The following UNC79 variants were observed in gnomAD, a reference collection of about 807,000 sequenced individuals.
UNC79 encodes protein unc-79 homolog.
A neutral mutation model predicts 283.1 loss-of-function variants in UNC79; 37 were observed. The observed-to-expected ratio is 0.13, with a 90% CI of 0.10 to 0.17. The LOEUF is 0.17. UNC79 is among the 10% of genes least tolerant of loss of function. The probability of loss-of-function intolerance (pLI) is 1.00; values close to 1 mark genes in which losing one functional copy is unlikely to be tolerated. For missense variants in UNC79, 2,272 were observed against 3,211.1 expected, an observed-to-expected ratio of 0.71 and a Z score of 7.07; for synonymous variants, 1,107 against 1,200.2, an observed-to-expected ratio of 0.92 and a Z score of 1.61.
chr14:93,390,658 A>G (rs1401777261), intron 1 of UNC79, among the ~76,000 whole-genome samples: 2 of 152,224 alleles, frequency 1.3e-5, no homozygotes, highest in Non-Finnish European at 2.9e-5. Context: ...GTAGTTCTGT[A>G]TGTCAGCCAC....
At chr14:93,499,987 AGAG>A (rs1461899696) in intron 7 of UNC79, among the ~76,000 whole-genome samples, 5 of 152,114 alleles carry the variant, frequency 3.3e-5, no homozygotes, top group Non-Finnish European at 7.4e-5. Context: ...CATTGGAGTG[AGAG>A]GAGGAGAGTA....
intron 47 of UNC79, 111 bp from the exon 51 acceptor site, chr14:93,704,514 C>G: frequency 8.0e-7 from 1 of 1,243,138 alleles, no homozygotes; most frequent in Non-Finnish European, 1.2e-6. Context: ...GGCCCACATC[C>G]GTGCGCGACG....
At chr14:93,345,869 G>A (rs765781178) in intron 1 of UNC79, among the ~76,000 whole-genome samples, 6 of 151,640 alleles carry the variant, frequency 4.0e-5, no homozygotes, top group East Asian at 1.9e-4. Flanking sequence ...CTGGAGGAAC[G>A]TCACAATTCC....
At chr14:93,457,845 T>C (rs2056839158) in intron 1 of UNC79, among the ~76,000 whole-genome samples, 1 of 151,942 alleles carries the variant, frequency 6.6e-6, no homozygotes, top group Non-Finnish European at 1.5e-5. Flanking sequence ...GACCCTGGAG[T>C]TGATTTCTAG....
chr14:93,707,399 A>G (rs2141127486), downstream of UNC79: 1 of 153,538 alleles, frequency 6.5e-6, no homozygotes, highest in South Asian at 2.1e-4. Context: ...CTTGCAAGGA[A>G]CATTACAAAG....
At chr14:93,537,946 C>G (rs768251024) in intron 11 of UNC79, 43 bp from the exon 12 acceptor site, 1 of 1,563,362 alleles carries the variant, frequency 6.4e-7, no homozygotes, top group East Asian at 2.3e-5. Flanking sequence ...CCAAGTTTAC[C>G]TCGGTGGTCA....
intron 2 of UNC79, among the ~76,000 whole-genome samples, chr14:93,469,524 AT>A (rs2057390047): frequency 6.6e-6 from 1 of 152,190 alleles, no homozygotes; most frequent in African/African-American, 2.4e-5. Context: ...GCTGGCATCT[AT>A]AATCCCAGCT....
chr14:93,640,393 C>A (rs1426738228), intron 32 of UNC79, among the ~76,000 whole-genome samples: 1 of 152,190 alleles, frequency 6.6e-6, no homozygotes, highest in African/African-American at 2.4e-5. Context: ...TTTTGGGAGG[C>A]TGAGGTGGGA....
At chr14:93,509,951 TCTG>T (rs1952446499) in intron 7 of UNC79, among the ~76,000 whole-genome samples, 1 of 152,222 alleles carries the variant, frequency 6.6e-6, no homozygotes, top group Admixed American at 6.5e-5. Flanking sequence ...GCAGCAGACT[TCTG>T]CCTGGACATC....
chr14:93,361,056 A>G (rs569137443), intron 1 of UNC79, among the ~76,000 whole-genome samples: 1 of 152,016 alleles, frequency 6.6e-6, no homozygotes, highest in African/African-American at 2.4e-5. Flanking sequence ...TCTACTAAAA[A>G]TACAAAAATT....
chr14:93,336,282 G>A (rs1308188578), intron 1 of UNC79, among the ~76,000 whole-genome samples: 1 of 152,148 alleles, frequency 6.6e-6, no homozygotes. Context: ...GAAAACCCCA[G>A]AACAGTGATA....
chr14:93,582,167 G>A (rs750556873), intron 19 of UNC79, 36 bp from the exon 20 acceptor site: 4 of 1,613,862 alleles, frequency 2.5e-6, no homozygotes, highest in Non-Finnish European at 3.4e-6. Context: ...ACCCCTCCAG[G>A]GCTGCTTACC....
intron 1 of UNC79, among the ~76,000 whole-genome samples, chr14:93,366,150 G>A (rs1286163298): frequency 1.3e-5 from 2 of 152,210 alleles, no homozygotes; most frequent in Non-Finnish European, 1.5e-5. Context: ...ACATTTAGGT[G>A]GGAGGGCAAA....
chr14:93,505,081 G>A (rs1311593504), intron 7 of UNC79, among the ~76,000 whole-genome samples: 1 of 151,988 alleles, frequency 6.6e-6, no homozygotes, highest in Non-Finnish European at 1.5e-5. Flanking sequence ...AAATGTTCCT[G>A]TGTAAAGAAC....
rs983818294 is a variant in UNC79 at position 93,387,161 on chromosome 14, G to T, written c.-351+53638G>T. ...TTTCACCATGTTAGTCAGGCTGGTC[G>T]CAAACTCCTGACCTCAGGTGATCCA... On this transcript the variant is annotated intron_variant, in intron 1 of 49. Coordinates refer to the UNC79 transcript ENST00000256339. Among the ~76,000 whole-genome samples the T allele has an allele frequency of 3.3e-5, 5 of 151,540 alleles. No homozygotes were observed. The South Asian group carries it at 1.0e-3, about 32-fold the overall frequency.
chr14:93,689,004 G>C, intron 44 of UNC79, 164 bp downstream of exon 47: 1 of 695,856 alleles, frequency 1.4e-6, no homozygotes, highest in Non-Finnish European at 2.1e-6. Context: ...CGTACTTGCT[G>C]ACCCAGAATG....
chr14:93,698,692 G>A (rs2141022351), intron 47 of UNC79, among the ~76,000 whole-genome samples: 1 of 151,970 alleles, frequency 6.6e-6, no homozygotes, highest in South Asian at 2.1e-4. Flanking sequence ...CACCGTGTTG[G>A]CCAGGCTGGT....
chr14:93,340,419 G>A (rs1367031613), intron 1 of UNC79, among the ~76,000 whole-genome samples: 42 of 141,230 alleles, frequency 3.0e-4, no homozygotes, highest in Non-Finnish European at 5.4e-4. Context: ...TCTAGCCTGG[G>A]CGACAGAGCA....
chr14:93,435,559 A>G (rs747122429), intron 1 of UNC79, among the ~76,000 whole-genome samples: 12 of 152,168 alleles, frequency 7.9e-5, no homozygotes, highest in Non-Finnish European at 1.5e-4. Flanking sequence ...ACGTTTTTGG[A>G]AGTACAGTCC....
Sources: allele counts gnomAD v4.1 joint callset (sites outside exome capture counted in the v4.1 genomes callset), GRCh38; gene constraint gnomAD v4.1.1; transcripts MANE v1.5; gene names NCBI Gene and HGNC (gene_info 2026-07-23, HGNC 2026-07-21).